Variants in NF2 observed in about 807,000 individuals in gnomAD.
NF2 encodes merlin.
A neutral mutation model predicts 83.7 loss-of-function variants in NF2; 8 were observed. That is an observed-to-expected ratio of 0.10 (90% CI 0.06 to 0.17). The LOEUF (loss-of-function observed/expected upper bound fraction) is 0.17. Among genes scored for constraint, NF2 ranks in the 10% least tolerant of loss-of-function variants. The pLI is 1.00. For synonymous variants in NF2, 266 were observed against 269.6 expected (o/e 0.99, Z 0.13); for missense variants, 533 against 744.4 (o/e 0.72, Z 3.31).
At chr22:29,656,521 C>T (rs1210278417) in intron 6 of NF2, among the ~76,000 whole-genome samples, 6 of 150,928 alleles carry the variant, frequency 4.0e-5, no homozygotes, top group Admixed American at 6.6e-5. Context: ...ACGCCATTCT[C>T]CTGCCTCAGC....
At chr22:29,639,299 C>T in intron 3 of NF2, 87 bp downstream of exon 3, 1 of 1,506,600 alleles carries the variant, frequency 6.6e-7, no homozygotes, top group South Asian at 1.1e-5. Flanking sequence ...CCACAAACAC[C>T]TTTGTATTGC....
At chr22:29,648,109 C>T (rs185275206) in intron 4 of NF2, among the ~76,000 whole-genome samples, 95 of 149,264 alleles carry the variant, frequency 6.4e-4, no homozygotes, top group Admixed American at 1.7e-3. Flanking sequence ...CCAGCCTGGA[C>T]GACAGAGTGA....
intron 1 of NF2, among the ~76,000 whole-genome samples, chr22:29,606,058 G>A (rs191859990): frequency 5.1e-4 from 77 of 152,254 alleles, no homozygotes; most frequent in African/African-American, 1.7e-3. Context: ...GGGTTCAAGC[G>A]ATTCTCCCAC....
intron 4 of NF2, among the ~76,000 whole-genome samples, chr22:29,651,843 T>G (rs1408270012): frequency 6.6e-6 from 1 of 152,250 alleles, no homozygotes; most frequent in Non-Finnish European, 1.5e-5. Context: ...TTTGCATATC[T>G]GCTTGCTTTT....
intron 1 of NF2, among the ~76,000 whole-genome samples, chr22:29,625,477 G>A (rs756526853): frequency 2.4e-4 from 36 of 152,194 alleles, no homozygotes; most frequent in African/African-American, 5.8e-4. Flanking sequence ...AAACTAAAGC[G>A]TTTGAGGTTT....
intron 1 of NF2, among the ~76,000 whole-genome samples, chr22:29,606,324 C>T (rs2064795836): frequency 6.6e-6 from 1 of 152,218 alleles, no homozygotes; most frequent in African/African-American, 2.4e-5. Flanking sequence ...ACATGACATA[C>T]TGAAATTACT....
In NF2 at chr22:29,674,886, C is replaced by T. The variant is rs776109136; in HGVS notation, c.1391C>T (p.Ala464Val). 7.0e-6 allele frequency: 11 copies of T among 1,573,916 alleles called. No individual in the cohort carries two copies. The highest frequency in any genetic ancestry group is 4.7e-5 in the South Asian group (4 of 85,528). ...CAGGACCTGCAGGAAGCACGCGAGG[C>T]GGAGCGAAGAGCCAAGCAGAAGCTC... is the stretch of plus-strand genomic sequence containing the variant. ...LKQDLQEARE[A>V]ERRAKQKLLE... Residue 464 changes from alanine (A) to valine (V), a missense_variant, in exon 13 of 16, where the codon GCG becomes GTG. Transcript: ENST00000338641.
chr22:29,673,170 G>A (rs1382474299), intron 11 of NF2, 99 bp from the exon 12 acceptor site: 6 of 1,313,564 alleles, frequency 4.6e-6, no homozygotes, highest in East Asian at 2.5e-5. Flanking sequence ...GGCCCCAGGA[G>A]TCCGAGACTC....
chr22:29,694,741 C>T lies in NF2; in HGVS notation c.1738-11C>T. The T allele has an allele frequency of 6.2e-7, 1 of 1,613,702 alleles. No individual in the cohort carries two copies. On this transcript the variant is annotated splice_polypyrimidine_tract_variant and intron_variant, in intron 15 of 15. Transcript: ENST00000338641. This position sits in a 1 kb window ranked among gnomAD's most constrained non-coding sequence, Gnocchi z 4.1. Reference sequence around the variant, plus strand: ...TTGTGCCCTCTCAGCTTCTTCTCTGCTTTCTTACAGCTCACCTTGCAGAGC... The same window carrying T: ...TTGTGCCCTCTCAGCTTCTTCTCTGTTTTCTTACAGCTCACCTTGCAGAGC...
chr22:29,691,169 C>G (rs764975380), intron 15 of NF2, among the ~76,000 whole-genome samples: 1 of 152,156 alleles, frequency 6.6e-6, no homozygotes, highest in Non-Finnish European at 1.5e-5. Flanking sequence ...ATTGTGCATG[C>G]GAGGAATTCC....
intron 4 of NF2, among the ~76,000 whole-genome samples, chr22:29,652,548 C>T (rs945150461): frequency 5.3e-5 from 8 of 152,314 alleles, no homozygotes; most frequent in South Asian, 2.1e-4. Flanking sequence ...GTGATCTGCC[C>T]GCCTAGGCCT....
intron 1 of NF2, among the ~76,000 whole-genome samples, chr22:29,635,345 T>C (rs1438783925): frequency 1.3e-5 from 2 of 152,174 alleles, no homozygotes; most frequent in African/African-American, 4.8e-5. Flanking sequence ...TGTTTGTTTG[T>C]TTGAGATGGA....
chr22:29,625,501 T>C (rs2065344718), intron 1 of NF2, among the ~76,000 whole-genome samples: 2 of 152,244 alleles, frequency 1.3e-5, no homozygotes, highest in African/African-American at 4.8e-5. Flanking sequence ...AAACCCAGAA[T>C]TGAGTTTTCT....
In NF2 at chr22:29,661,193, T is replaced by C. The variant is rs1273140767; in HGVS notation, c.676-12T>C. 9 of 1,614,076 alleles carry C rather than the reference T, an allele frequency of 5.6e-6. No individual in the cohort carries two copies. Among genetic ancestry groups the C allele is most frequent in the African/African-American group, 1.3e-5 (1 of 74,948 alleles). On this transcript the variant is annotated splice_polypyrimidine_tract_variant and intron_variant, in intron 7 of 15. Coordinates refer to ENST00000338641, the MANE Select transcript of NF2 (RefSeq NM_000268.4). ...CTGGCGCTTACAGTAGCTGTTCTTA[T>C]TGGATCCACAGAATAAAAAGGGCAC...
chr22:29,631,819 G>A (rs1304986843), intron 1 of NF2, among the ~76,000 whole-genome samples: 1 of 152,192 alleles, frequency 6.6e-6, no homozygotes, highest in Non-Finnish European at 1.5e-5. Flanking sequence ...GACGAGTTCT[G>A]TTTATTATCC....
At chr22:29,662,607 C>A (rs2066510547) in intron 8 of NF2, among the ~76,000 whole-genome samples, 1 of 152,200 alleles carries the variant, frequency 6.6e-6, no homozygotes, top group Non-Finnish European at 1.5e-5. Context: ...CTTCCACATA[C>A]AAGCACATTC....
chr22:29,660,814 G>A (rs1189402691), intron 7 of NF2, among the ~76,000 whole-genome samples: 1 of 152,120 alleles, frequency 6.6e-6, no homozygotes, highest in Non-Finnish European at 1.5e-5. Flanking sequence ...TGAACCGCCC[G>A]CCTCGGCCTC....
At chr22:29,630,724 C>T (rs1443337400) in intron 1 of NF2, among the ~76,000 whole-genome samples, 2 of 152,230 alleles carry the variant, frequency 1.3e-5, no homozygotes, top group African/African-American at 4.8e-5. Flanking sequence ...CTTAGCCTCC[C>T]TCTTCGTCAC....
At chr22:29,683,097 AT>A in intron 15 of NF2, 1 of 1,614,154 alleles carries the variant, frequency 6.2e-7, no homozygotes, top group Non-Finnish European at 8.5e-7. Flanking sequence ...CTATGTGGTG[AT>A]GGTGCTGCCC....
Sources: gnomAD v4.1 joint callset for allele counts (sites outside exome capture counted in the v4.1 genomes callset) on GRCh38, gnomAD v4.1.1 for gene constraint, Gnocchi (gnomAD v3.1) non-coding constraint, MANE v1.5 for transcripts, NCBI Gene and HGNC (gene_info 2026-07-23, HGNC 2026-07-21) for gene names.